The following LTBP1 variants were observed in gnomAD, a reference collection of about 807,000 sequenced individuals.
LTBP1 encodes the protein latent-transforming growth factor beta-binding protein 1.
Under a neutral mutation model 207.6 loss-of-function variants are expected in LTBP1, and 129 were observed. That is an observed-to-expected ratio of 0.62 (90% confidence interval 0.54 to 0.72). LTBP1 has a LOEUF of 0.72. Ranked by LOEUF, LTBP1 falls within the 30% of genes least tolerant of loss-of-function variation. The pLI, the probability that LTBP1 is intolerant of heterozygous loss-of-function variation, is 0.00. For synonymous variants in LTBP1, 963 were observed against 833.7 expected, an observed-to-expected ratio of 1.16 and a Z score of -2.67; for missense variants, 2,281 against 2,217.2, an observed-to-expected ratio of 1.03 and a Z score of -0.58.
At position 32,972,677 on chromosome 2, in the gene LTBP1, G is replaced by A. The variant is rs527355391; in HGVS notation, c.565+23732G>A. Among the ~76,000 whole-genome samples the A allele has an allele frequency of 2.0e-5, 3 of 152,270 alleles. No homozygotes were observed. In the East Asian group the frequency reaches 5.8e-4, roughly 29 times the overall value. On this transcript the variant is annotated intron_variant, in intron 2 of 33. Transcript: ENST00000404816. ...TGGTGGGAGGTGACTGGATCATGGG[G>A]ATGGTTTCTCCCATGCTGTTCTTGT...
In LTBP1 at chr2:33,399,462, C is replaced by CT. The variant is rs2095386798; in HGVS notation, c.*921dup. 1 of 152,172 alleles carries CT rather than the reference C, an allele frequency of 6.6e-6. No individual in the cohort carries two copies. The highest frequency in any genetic ancestry group is 1.5e-5 in the Non-Finnish European group (1 of 68,024). The allele number at this position is 152,172 out of a possible 1,614,324, so 9.4% of individuals were successfully genotyped here. On this transcript the variant is annotated 3_prime_UTR_variant, in exon 34 of 34. Coordinates refer to ENST00000404816, the MANE Select transcript of LTBP1 (RefSeq NM_206943.4). ...CAGTGGTCTTCTGTTAATGTAGTGT[C>CT]TTTTACAAGTTAATCATTAAATTTG...
At chr2:32,994,386 G>A (rs556045046) in intron 2 of LTBP1, among the ~76,000 whole-genome samples, 56 of 152,056 alleles carry the variant, frequency 3.7e-4, no homozygotes, top group Non-Finnish European at 7.6e-4. Flanking sequence ...CCTGCCCAAG[G>A]TGACACAGCC....
At chr2:33,046,317 G>A (rs1285595489) in intron 3 of LTBP1, among the ~76,000 whole-genome samples, 1 of 152,142 alleles carries the variant, frequency 6.6e-6, no homozygotes, top group Non-Finnish European at 1.5e-5. Flanking sequence ...AGAGTTTTTA[G>A]CATGAAGAGG....
At chr2:33,357,753 TGAA>T (rs778076627) in intron 26 of LTBP1, among the ~76,000 whole-genome samples, 6 of 152,220 alleles carry the variant, frequency 3.9e-5, no homozygotes, top group Non-Finnish European at 7.3e-5. Flanking sequence ...CTGAAAATAC[TGAA>T]GGAGGAGTAA....
chr2:33,388,394 T>C (rs1474100165), intron 31 of LTBP1, among the ~76,000 whole-genome samples: 2 of 152,348 alleles, frequency 1.3e-5, no homozygotes, highest in South Asian at 2.1e-4. Context: ...CTGTACACTC[T>C]GGAGCTTCGT....
At chr2:33,177,830 A>G (rs1486652351) in intron 5 of LTBP1, among the ~76,000 whole-genome samples, 1 of 152,250 alleles carries the variant, frequency 6.6e-6, no homozygotes, top group Admixed American at 6.5e-5. Flanking sequence ...GTGTAGTAAG[A>G]AAAGAATGCA....
chr2:33,016,581 G>A (rs1688410334), intron 2 of LTBP1, among the ~76,000 whole-genome samples: 1 of 152,086 alleles, frequency 6.6e-6, no homozygotes, highest in Non-Finnish European at 1.5e-5. Context: ...CTAATGTACA[G>A]CCAAGCCTGA....
At chr2:33,359,658 T>G (rs2094904344) in intron 26 of LTBP1, among the ~76,000 whole-genome samples, 1 of 152,210 alleles carries the variant, frequency 6.6e-6, no homozygotes, top group East Asian at 1.9e-4. Flanking sequence ...TTATTTGATG[T>G]GGCATTAAAT....
At chr2:33,310,251 T>C (rs1256318520) in intron 23 of LTBP1, among the ~76,000 whole-genome samples, 1 of 152,112 alleles carries the variant, frequency 6.6e-6, no homozygotes. Flanking sequence ...TGGCTCACCA[T>C]TGCTTTTTCT....
intron 7 of LTBP1, among the ~76,000 whole-genome samples, chr2:33,195,068 C>T (rs533207668): frequency 6.6e-6 from 1 of 152,274 alleles, no homozygotes; most frequent in South Asian, 2.1e-4. Context: ...ATAAAAGATT[C>T]CTTTCAAAAT....
At chr2:33,004,405 AT>A (rs911768201) in intron 2 of LTBP1, among the ~76,000 whole-genome samples, 12 of 151,534 alleles carry the variant, frequency 7.9e-5, no homozygotes, top group Admixed American at 3.9e-4. Flanking sequence ...GGGCATGGCG[AT>A]TTTTTTTTAA....
At chr2:33,346,587 GTCAGGAGAA>G (rs2094704455) in intron 25 of LTBP1, among the ~76,000 whole-genome samples, 2 of 152,024 alleles carry the variant, frequency 1.3e-5, no homozygotes, top group Non-Finnish European at 2.9e-5. Flanking sequence ...AGGAGGCTGA[GTCAGGAGAA>G]TCACTTGAAC....
chr2:32,968,410 C>A (rs1266290213), intron 2 of LTBP1, among the ~76,000 whole-genome samples: 1 of 152,162 alleles, frequency 6.6e-6, no homozygotes, highest in East Asian at 1.9e-4. Flanking sequence ...TGCTCTGACG[C>A]CAGCTCTCTG....
chr2:33,032,435 C>G (rs17324731), intron 3 of LTBP1, among the ~76,000 whole-genome samples: 5,931 of 152,236 alleles, frequency 0.039, 196 homozygotes, highest in Non-Finnish European at 0.066. Flanking sequence ...TATCAACTTC[C>G]GTGTATCTTC....
rs1160083533 is a variant in LTBP1 at position 33,360,757 on chromosome 2, C to G, written c.4161C>G (p.Phe1387Leu). The change falls in exon 27 of 34, where the codon TTC becomes TTG. Residue 1387 changes from phenylalanine to leucine, a missense_variant. By Grantham distance (22) the Phe-to-Leu change is conservative. This residue lies in a region of LTBP1 where 1,671 missense variants were observed against 1,634.8 expected (regional missense o/e 1.02). Coordinates refer to ENST00000404816, the MANE Select transcript of LTBP1 (RefSeq NM_206943.4). Reference sequence around the variant, plus strand: ...GATGGGGAGATAACTGCGAAATCTTCCCCTGCCCGGTCTTGGGAACTGGTA... The same window carrying G: ...GATGGGGAGATAACTGCGAAATCTTGCCCTGCCCGGTCTTGGGAACTGGTA... Reference protein sequence around the residue: ...GVGWGDNCEIFPCPVLGTAEF... With the variant: ...GVGWGDNCEILPCPVLGTAEF... 9 of 1,613,810 alleles carry G rather than the reference C, an allele frequency of 5.6e-6. No homozygotes were observed. Among genetic ancestry groups the G allele is most frequent in the African/African-American group, 1.3e-5 (1 of 74,918 alleles).
intron 31 of LTBP1, among the ~76,000 whole-genome samples, chr2:33,383,071 A>G (rs1338182075): frequency 6.6e-6 from 1 of 152,178 alleles, no homozygotes; most frequent in Non-Finnish European, 1.5e-5. Context: ...AAAAGTGCCC[A>G]TTGGCTGGGC....
chr2:32,963,323 G>GC (rs895957160), intron 2 of LTBP1, among the ~76,000 whole-genome samples: 7 of 151,898 alleles, frequency 4.6e-5, no homozygotes, highest in Non-Finnish European at 4.4e-5. Context: ...TCGTGCCTCA[G>GC]CCCCCCGAGT....
chr2:33,082,431 A>AATTTTTTTTTTTTTTT lies in LTBP1; in HGVS notation c.864-28151_864-28150insATTTTTTTTTTTTTTT, dbSNP rs2078468929. On this transcript the variant is annotated intron_variant, in intron 3 of 33. Coordinates refer to ENST00000404816, the MANE Select transcript of LTBP1 (RefSeq NM_206943.4). Reference sequence around the variant, plus strand: ...GTTAACCGTGGCTAAAGTATGACTCACTTTTTTTTTTTTTTTTTTTTTTTT... The same window carrying AATTTTTTTTTTTTTTT: ...GTTAACCGTGGCTAAAGTATGACTCAATTTTTTTTTTTTTTTCTTTTTTTTTTTTTTTTTTTTTTTT... Among the ~76,000 whole-genome samples the AATTTTTTTTTTTTTTT allele has an allele frequency of 2.3e-4, 27 of 116,044 alleles. 11 individuals carry two copies. The highest frequency in any genetic ancestry group is 2.9e-4 in the Admixed American group (3 of 10,198). 76.1% of individuals were successfully genotyped at this position (116,044 alleles called of 152,430 possible). A position where few individuals can be genotyped will look rare whatever the true frequency, so the allele number is the denominator to read the frequency against.
intron 7 of LTBP1, among the ~76,000 whole-genome samples, chr2:33,192,336 A>G (rs899959042): frequency 2.0e-5 from 3 of 152,172 alleles, no homozygotes; most frequent in Non-Finnish European, 4.4e-5. Context: ...GTGAGACAGT[A>G]TAGAGTGCAG....
Sources: allele counts gnomAD v4.1 joint callset (sites outside exome capture counted in the v4.1 genomes callset), GRCh38; gene constraint gnomAD v4.1.1; regional missense constraint gnomAD v4.1.1; transcripts MANE v1.5; gene names NCBI Gene and HGNC (gene_info 2026-07-23, HGNC 2026-07-21).